Variants in ALK observed in about 807,000 individuals in gnomAD.
ALK encodes ALK receptor tyrosine kinase.
A neutral mutation model predicts 163.1 loss-of-function variants in ALK; 74 were observed. The observed-to-expected ratio is 0.45, with a 90% CI of 0.38 to 0.55. ALK has a LOEUF of 0.55. Among genes scored for constraint, ALK ranks in the 20% least tolerant of loss-of-function variants. The pLI is 0.00. For synonymous variants in ALK, 960 were observed against 843.2 expected (o/e 1.14, Z -2.40); for missense variants, 2,063 against 2,105.3 (o/e 0.98, Z 0.39).
rs543285713 is a variant in ALK, at chr2:29,371,143, C to A, written c.1282+12589G>T. On this transcript the variant is annotated intron_variant, in intron 5 of 28. Transcript: ENST00000389048. ...GTTTGCAAATTGTGCATTGAGGGGCCTTCTGGGCCGCTGCCCAGCAACTGT... is the reference window on the plus strand; with the variant it reads ...GTTTGCAAATTGTGCATTGAGGGGCATTCTGGGCCGCTGCCCAGCAACTGT... Among the ~76,000 whole-genome samples, 10 of 152,318 alleles carry A rather than the reference C, an allele frequency of 6.6e-5. No individual in the cohort carries two copies. The Middle Eastern group carries it at 0.017, about 259-fold the overall frequency.
intron 3 of ALK, among the ~76,000 whole-genome samples, chr2:29,675,698 G>A (rs555683114): frequency 6.6e-6 from 1 of 152,046 alleles, no homozygotes; most frequent in Admixed American, 6.6e-5. Context: ...CTTCTTTGCA[G>A]CTCAGTTTGT....
At chr2:29,630,583 A>G (rs1271773490) in intron 3 of ALK, among the ~76,000 whole-genome samples, 4 of 152,164 alleles carry the variant, frequency 2.6e-5, no homozygotes, top group East Asian at 1.9e-4. Context: ...TTAGGTATTT[A>G]TAATTTTAAT....
Position 29,227,470 on chromosome 2 carries a change from A to G in ALK, c.2914+104T>C. Reference sequence around the variant, plus strand: ...GAAGCTTGCCTGCCAGGGACCCATAATTGTGCCTCTGTATCCTGGATACAG... The same window carrying G: ...GAAGCTTGCCTGCCAGGGACCCATAGTTGTGCCTCTGTATCCTGGATACAG... On this transcript the variant is annotated intron_variant, in intron 17 of 28. Transcript: ENST00000389048. The surrounding 1 kb of genome is among the most constrained non-coding windows in gnomAD (Gnocchi z 4.4). The G allele has an allele frequency of 9.6e-7, 1 of 1,038,228 alleles. No individual in the cohort carries two copies. Among genetic ancestry groups the G allele is most frequent in the South Asian group, 1.3e-5 (1 of 79,460 alleles). 64.3% of individuals were successfully genotyped at this position (1,038,228 alleles called of 1,614,324 possible). A position where few individuals can be genotyped will look rare whatever the true frequency, so the allele number is the denominator to read the frequency against.
At position 29,235,856 on chromosome 2, in the gene ALK, CTTTTTTTTTT is replaced by C. The variant is rs569363324; in HGVS notation, c.2356-2170_2356-2161del. ...TACAGGCACAAGCTACCAGGCTCGA[CTTTTTTTTTT>C]TTTTTTTTTTTTTTTTTTTTTTTAA... On this transcript the variant is annotated intron_variant, in intron 13 of 28. Coordinates refer to ENST00000389048, the MANE Select transcript of ALK (RefSeq NM_004304.5). Among the ~76,000 whole-genome samples, 215 of 38,294 alleles carry C rather than the reference CTTTTTTTTTT, an allele frequency of 5.6e-3. 2 individuals carry two copies. Among genetic ancestry groups the C allele is most frequent in the Non-Finnish European group, 7.2e-3 (143 of 19,880 alleles). 25.1% of individuals were successfully genotyped at this position (38,294 alleles called of 152,430 possible). A position where few individuals can be genotyped will look rare whatever the true frequency, so the allele number is the denominator to read the frequency against.
At chr2:29,868,469 G>A (rs141250042) in intron 1 of ALK, among the ~76,000 whole-genome samples, 64 of 152,162 alleles carry the variant, frequency 4.2e-4, no homozygotes, top group Non-Finnish European at 7.2e-4. Context: ...TGTAATTGAA[G>A]AAAAAAACAA....
chr2:29,860,998 C>G (rs943503000), intron 1 of ALK, among the ~76,000 whole-genome samples: 2 of 152,038 alleles, frequency 1.3e-5, no homozygotes, highest in African/African-American at 2.4e-5. Context: ...TAGTAAGACC[C>G]TATCTCTACA....
chr2:29,337,647 A>G (rs1198827568), intron 5 of ALK, among the ~76,000 whole-genome samples: 4 of 152,014 alleles, frequency 2.6e-5, no homozygotes, highest in African/African-American at 9.7e-5. Context: ...AAGTCTGAGA[A>G]CCTCTGGTGC....
intron 1 of ALK, among the ~76,000 whole-genome samples, chr2:29,729,165 A>G (rs1474010435): frequency 6.6e-6 from 1 of 152,214 alleles, no homozygotes; most frequent in Non-Finnish European, 1.5e-5. Flanking sequence ...GGAAAAGTGA[A>G]GGGTTGAATC....
chr2:29,868,843 T>A (rs1362691062), intron 1 of ALK, among the ~76,000 whole-genome samples: 1 of 53,952 alleles, frequency 1.9e-5, no homozygotes, highest in Admixed American at 1.6e-4. Context: ...TTATTCTACA[T>A]AGCTACTGAG....
At chr2:29,317,769 C>T (rs924269514) in intron 8 of ALK, among the ~76,000 whole-genome samples, 3 of 152,030 alleles carry the variant, frequency 2.0e-5, no homozygotes, top group African/African-American at 7.3e-5. Flanking sequence ...CATTTCTTGG[C>T]CCCTAAAGAA....
intron 3 of ALK, among the ~76,000 whole-genome samples, chr2:29,590,948 G>T (rs549854439): frequency 2.6e-5 from 4 of 151,800 alleles, no homozygotes; most frequent in Admixed American, 1.3e-4. Context: ...GCGGGCGCCT[G>T]TAGTCCCAGC....
intron 9 of ALK, among the ~76,000 whole-genome samples, chr2:29,290,100 T>C (rs1265039844): frequency 6.6e-6 from 1 of 152,204 alleles, no homozygotes; most frequent in Non-Finnish European, 1.5e-5. Context: ...TTTGTACATT[T>C]CATGCTTGGA....
At chr2:29,369,179 G>T (rs1039930723) in intron 5 of ALK, among the ~76,000 whole-genome samples, 1 of 152,118 alleles carries the variant, frequency 6.6e-6, no homozygotes, top group Non-Finnish European at 1.5e-5. Context: ...TGGCACTAGG[G>T]AAGACCTCAG....
intron 24 of ALK, 94 bp from the exon 25 acceptor site, chr2:29,209,972 A>G (rs1447394478): frequency 1.8e-5 from 17 of 968,676 alleles, no homozygotes; most frequent in Non-Finnish European, 2.8e-5. Flanking sequence ...GCTGAAGTTT[A>G]AATAGTTCCT....
At chr2:29,574,092 T>C (rs1333101598) in intron 3 of ALK, among the ~76,000 whole-genome samples, 1 of 152,176 alleles carries the variant, frequency 6.6e-6, no homozygotes, top group Non-Finnish European at 1.5e-5. Context: ...TTGCAGCATT[T>C]ACTGATGCCG....
intron 2 of ALK, among the ~76,000 whole-genome samples, chr2:29,698,379 G>A (rs1451365914): frequency 6.6e-6 from 1 of 152,082 alleles, no homozygotes; most frequent in Non-Finnish European, 1.5e-5. Flanking sequence ...CTCTAGGGAG[G>A]GTCAAAAAGA....
At position 29,705,282 on chromosome 2, in the gene ALK, A is replaced by ATATATATATAT. The variant is rs1558451342; in HGVS notation, c.788-10269_788-10268insATATATATATA. ...ATATATATATATATATATATATATA[A>ATATATATATAT]ATATATATCTGCTGTGATGATTGCA... On this transcript the variant is annotated intron_variant, in intron 2 of 28. Coordinates refer to ENST00000389048, the MANE Select transcript of ALK (RefSeq NM_004304.5). Among the ~76,000 whole-genome samples the ATATATATATAT allele has an allele frequency of 5.2e-3, 178 of 34,066 alleles. 24 individuals are homozygous for ATATATATATAT. Among genetic ancestry groups the ATATATATATAT allele is most frequent in the Non-Finnish European group, 5.7e-3 (110 of 19,218 alleles). 22.3% of individuals were successfully genotyped at this position (34,066 alleles called of 152,430 possible).
intron 4 of ALK, among the ~76,000 whole-genome samples, chr2:29,497,228 T>G (rs575474272): frequency 6.6e-6 from 1 of 151,664 alleles, no homozygotes; most frequent in African/African-American, 2.4e-5. Flanking sequence ...GCCGAAATAG[T>G]GCCACTGCAC....
chr2:29,249,927 C>A (rs988125603), intron 12 of ALK, among the ~76,000 whole-genome samples: 5 of 152,148 alleles, frequency 3.3e-5, no homozygotes, highest in African/African-American at 1.2e-4. Context: ...CCCGGAGTGC[C>A]ATTTAAAAAG....
Sources: allele counts gnomAD v4.1 joint callset (sites outside exome capture counted in the v4.1 genomes callset), GRCh38; gene constraint gnomAD v4.1.1; non-coding constraint Gnocchi (gnomAD v3.1); transcripts MANE v1.5; gene names NCBI Gene and HGNC (gene_info 2026-07-23, HGNC 2026-07-21).